The following SNTG1 variants were observed in gnomAD, a reference collection of about 807,000 sequenced individuals.
SNTG1 encodes gamma-1-syntrophin.
SNTG1 carries 39 observed loss-of-function variants against 74.7 expected under a neutral mutation model. That is an observed-to-expected ratio of 0.52 (90% CI 0.40 to 0.68). The LOEUF (loss-of-function observed/expected upper bound fraction) is 0.68, where lower values mean the gene tolerates loss of function less well. SNTG1 is among the 30% of genes least tolerant of loss of function. The probability of loss-of-function intolerance (pLI) is 0.00; values close to 1 mark genes in which losing one functional copy is unlikely to be tolerated. For missense variants in SNTG1, 685 were observed against 609.5 expected (o/e 1.12, Z -1.30); for synonymous variants, 254 against 217.1 (o/e 1.17, Z -1.49).
intron 2 of SNTG1, among the ~76,000 whole-genome samples, chr8:50,304,807 C>G (rs1177657747): frequency 1.3e-5 from 2 of 152,170 alleles, no homozygotes; most frequent in African/African-American, 4.8e-5. Flanking sequence ...ACCACTATTT[C>G]TTATGTCGCA....
chr8:50,386,482 C>T (rs183136005), intron 2 of SNTG1, among the ~76,000 whole-genome samples: 4 of 151,458 alleles, frequency 2.6e-5, no homozygotes, highest in East Asian at 3.9e-4. Flanking sequence ...AGGGTATCAG[C>T]GTCCTTCTTT....
At chr8:50,101,577 C>T (rs1434152466) in intron 1 of SNTG1, among the ~76,000 whole-genome samples, 3 of 151,714 alleles carry the variant, frequency 2.0e-5, no homozygotes, top group Non-Finnish European at 4.4e-5. Context: ...TATTATTATA[C>T]TTTAAGTTTT....
chr8:50,711,073 G>A (rs931201890), intron 17 of SNTG1, among the ~76,000 whole-genome samples: 1 of 152,162 alleles, frequency 6.6e-6, no homozygotes, highest in Non-Finnish European at 1.5e-5. Context: ...AGGAGGACAA[G>A]CATAAATGGA....
chr8:49,991,182 T>G (rs1813650707), intron 1 of SNTG1, among the ~76,000 whole-genome samples: 1 of 152,108 alleles, frequency 6.6e-6, no homozygotes, highest in Non-Finnish European at 1.5e-5. Context: ...AATAAACACA[T>G]GAAAAAGATG....
At chr8:49,935,654 C>T (rs1808017285) in intron 1 of SNTG1, among the ~76,000 whole-genome samples, 1 of 152,110 alleles carries the variant, frequency 6.6e-6, no homozygotes, top group African/African-American at 2.4e-5. Context: ...GTTTGTAGAA[C>T]CCAACTGATG....
intron 13 of SNTG1, among the ~76,000 whole-genome samples, chr8:50,634,085 T>C (rs914131747): frequency 4.6e-5 from 7 of 152,220 alleles, no homozygotes; most frequent in African/African-American, 1.7e-4. Flanking sequence ...CTGCCGCAGC[T>C]GTCCAGCCTC....
intron 2 of SNTG1, among the ~76,000 whole-genome samples, chr8:50,327,774 G>A (rs964337042): frequency 2.0e-5 from 3 of 151,504 alleles, no homozygotes; most frequent in Non-Finnish European, 2.9e-5. Flanking sequence ...TATTTCAATT[G>A]CACATTTTAT....
chr8:50,568,252 T>TGTGTGTGTGC (rs1563587348), intron 12 of SNTG1, among the ~76,000 whole-genome samples: 7 of 152,062 alleles, frequency 4.6e-5, no homozygotes, highest in Admixed American at 2.0e-4. Context: ...TGTGTGTGTG[T>TGTGTGTGTGC]GCTATCTATT....
intron 2 of SNTG1, among the ~76,000 whole-genome samples, chr8:50,228,066 G>A (rs1418961336): frequency 1.3e-5 from 2 of 151,582 alleles, no homozygotes; most frequent in Admixed American, 6.6e-5. Flanking sequence ...GTTTAATATG[G>A]AACATAACAG....
intron 1 of SNTG1, among the ~76,000 whole-genome samples, chr8:49,955,545 G>T (rs908239202): frequency 3.3e-5 from 5 of 152,178 alleles, no homozygotes; most frequent in African/African-American, 1.2e-4. Context: ...TCACTTACTT[G>T]TCTTTAATGG....
chr8:50,298,045 T>C (rs1467446838), intron 2 of SNTG1, among the ~76,000 whole-genome samples: 1 of 143,464 alleles, frequency 7.0e-6, no homozygotes, highest in Non-Finnish European at 1.5e-5. Flanking sequence ...AAAAAAAAAA[T>C]CCATATTAAG....
intron 2 of SNTG1, among the ~76,000 whole-genome samples, chr8:50,289,984 G>A (rs940704746): frequency 1.3e-5 from 2 of 152,106 alleles, no homozygotes; most frequent in Non-Finnish European, 2.9e-5. Flanking sequence ...CATGAGGAAT[G>A]GGTTCCTACT....
At chr8:50,487,431 A>G (rs992877742) in intron 8 of SNTG1, among the ~76,000 whole-genome samples, 2 of 152,130 alleles carry the variant, frequency 1.3e-5, no homozygotes, top group Non-Finnish European at 2.9e-5. Flanking sequence ...AAGACTTGGA[A>G]CCAACCCAAA....
At chr8:50,534,157 G>A (rs114456545) in intron 10 of SNTG1, among the ~76,000 whole-genome samples, 326 of 152,274 alleles carry the variant, frequency 2.1e-3, no homozygotes, top group African/African-American at 7.6e-3. Context: ...AATGTTAAAT[G>A]TTCCACAGTA....
chr8:50,548,257 C>T (rs888489471), intron 11 of SNTG1, among the ~76,000 whole-genome samples: 1 of 152,042 alleles, frequency 6.6e-6, no homozygotes, highest in African/African-American at 2.4e-5. Flanking sequence ...GAAAAATAAC[C>T]ACGTAATTTG....
At chr8:50,315,965 T>G (rs976710495) in intron 2 of SNTG1, among the ~76,000 whole-genome samples, 4 of 152,226 alleles carry the variant, frequency 2.6e-5, no homozygotes, top group East Asian at 3.9e-4. Context: ...AAAAGAAAAA[T>G]CTCTCAAATG....
intron 1 of SNTG1, among the ~76,000 whole-genome samples, chr8:50,135,028 T>C (rs2081427606): frequency 6.6e-6 from 1 of 152,180 alleles, no homozygotes; most frequent in Admixed American, 6.6e-5. Flanking sequence ...ACAGGTTCAA[T>C]TATGTCAACC....
rs539334164 is a variant in SNTG1 at position 50,213,178 on chromosome 8, T to C, written c.-28+40543T>C. Among the ~76,000 whole-genome samples, 31 of 152,290 alleles carry C rather than the reference T, an allele frequency of 2.0e-4. No individual in the cohort carries two copies. The Middle Eastern group carries it at 0.01, about 50-fold the overall frequency. ...TGCATAGGCGGTGTGCCAATAGATA[T>C]TTCTAGAAGGAAATAAATCATCATA... On this transcript the variant is annotated intron_variant, in intron 2 of 18. Coordinates refer to ENST00000642720, the MANE Select transcript of SNTG1 (RefSeq NM_018967.5).
rs549445050 is a variant in SNTG1, at chr8:50,760,575, T to C, written c.1395+8464T>C. Reference sequence around the variant, plus strand: ...GGGTGTTGAATTTTGTTCAAAGGCCTTTTCTGCATTTATTGAGATAATCAT... The same window carrying C: ...GGGTGTTGAATTTTGTTCAAAGGCCCTTTCTGCATTTATTGAGATAATCAT... On this transcript the variant is annotated intron_variant, in intron 18 of 18. Coordinates refer to ENST00000642720, the MANE Select transcript of SNTG1 (RefSeq NM_018967.5). Among the ~76,000 whole-genome samples the C allele has an allele frequency of 5.3e-5, 8 of 152,058 alleles. No individual in the cohort carries two copies. The East Asian group carries it at 1.4e-3, about 26-fold the overall frequency.
Sources: gnomAD v4.1 joint callset for allele counts (sites outside exome capture counted in the v4.1 genomes callset) on GRCh38, gnomAD v4.1.1 for gene constraint, MANE v1.5 for transcripts, NCBI Gene and HGNC (gene_info 2026-07-23, HGNC 2026-07-21) for gene names.